Variants in NCK2 observed in about 807,000 individuals in gnomAD.
NCK2 encodes cytoplasmic protein NCK2.
In NCK2, 16 loss-of-function variants were observed where a neutral mutation model predicts 33.9. The ratio of observed to expected loss-of-function variants is 0.47; its 90% CI spans 0.32 to 0.72. The LOEUF (loss-of-function observed/expected upper bound fraction) is 0.72. Ranked by LOEUF, NCK2 falls within the 30% of genes least tolerant of loss-of-function variation. The pLI, the probability that NCK2 is intolerant of heterozygous loss-of-function variation, is 0.03. For synonymous variants in NCK2, 273 were observed against 239.9 expected, an observed-to-expected ratio of 1.14 and a Z score of -1.27; for missense variants, 418 against 537.3, an observed-to-expected ratio of 0.78 and a Z score of 2.19.
chr2:105,833,995 T>C (rs542037675), intron 2 of NCK2, among the ~76,000 whole-genome samples: 64 of 152,254 alleles, frequency 4.2e-4, no homozygotes, highest in Non-Finnish European at 7.5e-4. Flanking sequence ...TATTCTATTG[T>C]GTTCTGAGAT....
chr2:105,865,239 C>T (rs1677699611), intron 3 of NCK2, among the ~76,000 whole-genome samples: 1 of 152,186 alleles, frequency 6.6e-6, no homozygotes, highest in Non-Finnish European at 1.5e-5. Context: ...TGCTAGGTAC[C>T]TGCCAGGTGC....
intron 2 of NCK2, among the ~76,000 whole-genome samples, chr2:105,845,798 T>G (rs1431800808): frequency 6.6e-6 from 1 of 152,204 alleles, no homozygotes; most frequent in Non-Finnish European, 1.5e-5. Flanking sequence ...TGGTGACTGT[T>G]ATCCGTCTAC....
At chr2:105,884,918 A>G (rs1678662751) in intron 4 of NCK2, among the ~76,000 whole-genome samples, 1 of 152,224 alleles carries the variant, frequency 6.6e-6, no homozygotes, top group Non-Finnish European at 1.5e-5. Context: ...CCTGTGAGCC[A>G]TACCTGCTTA....
chr2:105,783,695 T>G (rs772678873), intron 1 of NCK2, among the ~76,000 whole-genome samples: 8 of 152,036 alleles, frequency 5.3e-5, no homozygotes, highest in Non-Finnish European at 8.8e-5. Context: ...CCTACATAAA[T>G]GTATTCAGAT....
intron 2 of NCK2, among the ~76,000 whole-genome samples, chr2:105,834,651 GT>G (rs35931398): frequency 0.93 from 140,984 of 151,350 alleles, 65,744 homozygotes; most frequent in East Asian, 0.98. Context: ...ACATTAAAGG[GT>G]TTTTTTTTCA....
Position 105,837,825 on chromosome 2 carries a change from G to A in NCK2, c.-16-17223G>A, listed in dbSNP as rs1676489948. ...GGATCGTATTGTGGTCTCAGATTATGAATGAACTTGAGTTATTTTTATGTT... is the reference window on the plus strand; with the variant it reads ...GGATCGTATTGTGGTCTCAGATTATAAATGAACTTGAGTTATTTTTATGTT... On this transcript the variant is annotated intron_variant, in intron 2 of 4. Coordinates refer to ENST00000233154, the MANE Select transcript of NCK2 (RefSeq NM_003581.5). Among the ~76,000 whole-genome samples, 3 of 152,194 alleles carry A rather than the reference G, an allele frequency of 2.0e-5. No homozygotes were observed. In the South Asian group the frequency reaches 6.2e-4, roughly 32 times the overall value.
chr2:105,752,539 A>G (rs1194867759), intron 1 of NCK2, among the ~76,000 whole-genome samples: 4 of 152,136 alleles, frequency 2.6e-5, no homozygotes, highest in Non-Finnish European at 5.9e-5. Context: ...ACCATAGGAA[A>G]GGTAAAAAAC....
intron 1 of NCK2, among the ~76,000 whole-genome samples, chr2:105,757,317 G>A (rs547131455): frequency 5.3e-5 from 8 of 152,162 alleles, no homozygotes; most frequent in East Asian, 1.9e-4. Context: ...CCCAACTTTC[G>A]CTGTGTTAAA....
At position 105,893,010 on chromosome 2, in the gene NCK2, C is replaced by T. The variant is rs1332586401; in HGVS notation, c.977C>T (p.Ala326Val). ...AGCGACTTCTCCGTGTCCCTTAAAG[C>T]GTCAGGGAAGAACAAACACTTCAAG... ...SPSDFSVSLK[A>V]SGKNKHFKVQ... Residue 326 changes from alanine to valine, a missense_variant, in exon 5 of 5, where the codon GCG (alanine) becomes GTG (valine). Transcript: ENST00000233154. The T allele has an allele frequency of 6.2e-7, 1 of 1,613,208 alleles. No individual in the cohort carries two copies. Among genetic ancestry groups the T allele is most frequent in the Non-Finnish European group, 8.5e-7 (1 of 1,179,352 alleles).
chr2:105,863,100 A>G (rs1352070603), intron 3 of NCK2, among the ~76,000 whole-genome samples: 2 of 152,236 alleles, frequency 1.3e-5, no homozygotes, highest in Non-Finnish European at 2.9e-5. Context: ...CATCATATCT[A>G]TATCCCCAGC....
intron 1 of NCK2, among the ~76,000 whole-genome samples, chr2:105,812,000 T>C (rs1675309397): frequency 6.6e-6 from 1 of 152,204 alleles, no homozygotes; most frequent in East Asian, 1.9e-4. Context: ...TGGCCACTCT[T>C]TGGCTTTCTA....
chr2:105,750,888 C>T (rs574710301), intron 1 of NCK2, among the ~76,000 whole-genome samples: 2 of 152,288 alleles, frequency 1.3e-5, no homozygotes, highest in South Asian at 4.1e-4. Context: ...GAGGCCGTCT[C>T]CTCTGAGCCT....
chr2:105,835,388 C>CGTATATATATATATAT lies in NCK2; in HGVS notation c.-17+18775_-17+18776insGTATATATATATATAT. 4.1e-3 allele frequency among the ~76,000 whole-genome samples: 213 copies of CGTATATATATATATAT among 51,972 alleles called. 13 individuals are homozygous for CGTATATATATATATAT. Among genetic ancestry groups the CGTATATATATATATAT allele is most frequent in the Non-Finnish European group, 5.9e-3 (165 of 28,132 alleles). 34.1% of individuals were successfully genotyped at this position (51,972 alleles called of 152,430 possible). A position where few individuals can be genotyped will look rare whatever the true frequency, so the allele number is the denominator to read the frequency against. ...TTATATATATATACATATATATACA[C>CGTATATATATATATAT]ATATATATATATATATACGTGTATA... On this transcript the variant is annotated intron_variant, in intron 2 of 4. Transcript: ENST00000233154.
intron 3 of NCK2, among the ~76,000 whole-genome samples, chr2:105,869,253 C>T (rs145102949): frequency 7.2e-4 from 110 of 152,146 alleles, no homozygotes; most frequent in African/African-American, 2.1e-3. Context: ...AGTGCCACAC[C>T]GGATCCTGCA....
chr2:105,819,460 G>T (rs561587780), intron 2 of NCK2, among the ~76,000 whole-genome samples: 1 of 152,248 alleles, frequency 6.6e-6, no homozygotes, highest in South Asian at 2.1e-4. Context: ...CTTCTGATTG[G>T]ATCATCAGAA....
At chr2:105,869,638 C>T (rs1402129189) in intron 3 of NCK2, among the ~76,000 whole-genome samples, 2 of 152,140 alleles carry the variant, frequency 1.3e-5, no homozygotes, top group African/African-American at 4.8e-5. Context: ...AGGTGTGGTC[C>T]TGCAGAACAG....
intron 4 of NCK2, among the ~76,000 whole-genome samples, chr2:105,884,794 A>G (rs551068176): frequency 6.6e-6 from 1 of 152,022 alleles, no homozygotes; most frequent in South Asian, 2.1e-4. Context: ...TTGTCCTTCC[A>G]TTTCTTCCTC....
intron 3 of NCK2, among the ~76,000 whole-genome samples, chr2:105,876,939 C>T (rs773118657): frequency 1.3e-5 from 2 of 152,106 alleles, no homozygotes; most frequent in Non-Finnish European, 2.9e-5. Flanking sequence ...TGCAGTGCTC[C>T]GTCTCCCAGA....
At chr2:105,769,586 A>G (rs1219565436) in intron 1 of NCK2, among the ~76,000 whole-genome samples, 2 of 152,200 alleles carry the variant, frequency 1.3e-5, no homozygotes, top group African/African-American at 4.8e-5. Flanking sequence ...CAGGTTTTCT[A>G]AGAAATGGGA....
Sources: gnomAD v4.1 joint callset for allele counts (sites outside exome capture counted in the v4.1 genomes callset) on GRCh38, gnomAD v4.1.1 for gene constraint, MANE v1.5 for transcripts, NCBI Gene and HGNC (gene_info 2026-07-23, HGNC 2026-07-21) for gene names.